Variants in CHSY3 observed in about 807,000 individuals in gnomAD.
CHSY3 encodes the protein N-acetylgalactosaminyl-proteoglycan 3-beta-glucuronosyltransferase 3.
In CHSY3, 35 loss-of-function variants were observed where a neutral mutation model predicts 67.2. The ratio of observed to expected loss-of-function variants is 0.52; its 90% CI spans 0.40 to 0.69. The LOEUF is 0.69. Ranked by LOEUF, CHSY3 falls within the 30% of genes least tolerant of loss-of-function variation. The pLI is 0.00. For missense variants in CHSY3, 1,069 were observed against 1,138.5 expected (o/e 0.94, Z 0.88); for synonymous variants, 474 against 434.7 (o/e 1.09, Z -1.12).
intron 2 of CHSY3, among the ~76,000 whole-genome samples, chr5:130,136,393 AG>A (rs1340023796): frequency 6.6e-6 from 1 of 152,184 alleles, no homozygotes; most frequent in Non-Finnish European, 1.5e-5. Context: ...ACAGTCATGA[AG>A]GCTGATACTG....
At chr5:130,118,445 T>TAC (rs1038901899) in intron 2 of CHSY3, among the ~76,000 whole-genome samples, 44 of 151,124 alleles carry the variant, frequency 2.9e-4, no homozygotes, top group East Asian at 1.9e-3. Context: ...TGTCTATATA[T>TAC]ACACACACAC....
intron 2 of CHSY3, among the ~76,000 whole-genome samples, chr5:129,921,295 C>T (rs1200439542): frequency 5.9e-5 from 9 of 152,080 alleles, no homozygotes; most frequent in Non-Finnish European, 1.3e-4. Context: ...CATTATGATA[C>T]CTTGAGCACA....
At chr5:130,095,770 AC>A (rs1400892734) in intron 2 of CHSY3, among the ~76,000 whole-genome samples, 1 of 152,224 alleles carries the variant, frequency 6.6e-6, no homozygotes, top group East Asian at 1.9e-4. Context: ...TCTCTTTCAA[AC>A]TATTTAATAA....
At chr5:130,123,636 C>A (rs1264539480) in intron 2 of CHSY3, among the ~76,000 whole-genome samples, 1 of 152,174 alleles carries the variant, frequency 6.6e-6, no homozygotes, top group Non-Finnish European at 1.5e-5. Context: ...TGTGTTAGAC[C>A]ACATCAGCTT....
chr5:130,112,612 G>A (rs1034324624), intron 2 of CHSY3, among the ~76,000 whole-genome samples: 1 of 152,100 alleles, frequency 6.6e-6, no homozygotes, highest in African/African-American at 2.4e-5. Flanking sequence ...AACAATATAA[G>A]TGTAAAAGTC....
intron 2 of CHSY3, among the ~76,000 whole-genome samples, chr5:130,142,570 TTTA>T (rs1441744170): frequency 1.3e-5 from 2 of 152,238 alleles, no homozygotes; most frequent in Non-Finnish European, 1.5e-5. Context: ...GGTTTTCATT[TTTA>T]TTATTGTTGT....
At chr5:129,910,179 G>A (rs1185373632) in intron 2 of CHSY3, among the ~76,000 whole-genome samples, 6 of 151,942 alleles carry the variant, frequency 3.9e-5, no homozygotes, top group Non-Finnish European at 2.9e-5. Context: ...TGCAATCTTA[G>A]ATCCTTTTAT....
chr5:130,103,383 C>A (rs934337777), intron 2 of CHSY3, among the ~76,000 whole-genome samples: 1 of 152,004 alleles, frequency 6.6e-6, no homozygotes, highest in African/African-American at 2.4e-5. Flanking sequence ...TGGCATTGTA[C>A]CACATTGAGA....
chr5:129,970,614 G>T (rs912733584), intron 2 of CHSY3, among the ~76,000 whole-genome samples: 3 of 151,850 alleles, frequency 2.0e-5, no homozygotes, highest in African/African-American at 7.2e-5. Flanking sequence ...AAAGAATTTT[G>T]TGGATTGGGT....
At chr5:129,979,348 AT>A (rs1313822296) in intron 2 of CHSY3, among the ~76,000 whole-genome samples, 1 of 152,108 alleles carries the variant, frequency 6.6e-6, no homozygotes, top group African/African-American at 2.4e-5. Context: ...AACTGACAAG[AT>A]TTGTGGCTTT....
upstream of CHSY3, among the ~76,000 whole-genome samples, chr5:129,904,108 C>G (rs1174528277): frequency 6.6e-6 from 1 of 151,894 alleles, no homozygotes; most frequent in Admixed American, 6.5e-5. Flanking sequence ...GCCAGTAGAG[C>G]CCCCAGACAC....
At chr5:130,162,455 T>C (rs1233014582) in intron 2 of CHSY3, among the ~76,000 whole-genome samples, 1 of 152,176 alleles carries the variant, frequency 6.6e-6, no homozygotes, top group African/African-American at 2.4e-5. Context: ...TACAATGACC[T>C]TCCTTATGAA....
intron 2 of CHSY3, among the ~76,000 whole-genome samples, chr5:130,024,621 A>G (rs979371121): frequency 1.3e-5 from 2 of 152,154 alleles, no homozygotes; most frequent in African/African-American, 4.8e-5. Flanking sequence ...TGCTGATTTC[A>G]TATTGACAAT....
intron 2 of CHSY3, among the ~76,000 whole-genome samples, chr5:130,091,109 G>A (rs796818399): frequency 9.2e-6 from 1 of 109,270 alleles, no homozygotes; most frequent in East Asian, 2.5e-4. Flanking sequence ...GAACTTAAAC[G>A]CAACACACAC....
At chr5:129,920,841 C>CTG (rs1189832966) in intron 2 of CHSY3, among the ~76,000 whole-genome samples, 3 of 151,668 alleles carry the variant, frequency 2.0e-5, no homozygotes, top group Non-Finnish European at 4.4e-5. Flanking sequence ...TTATTTAAGA[C>CTG]TGTGTTTCAC....
At chr5:129,965,672 T>G (rs1762450337) in intron 2 of CHSY3, among the ~76,000 whole-genome samples, 1 of 151,956 alleles carries the variant, frequency 6.6e-6, no homozygotes, top group Non-Finnish European at 1.5e-5. Context: ...GGGAGGTTAC[T>G]AATTTCTAAC....
chr5:130,020,824 G>T (rs990195775), intron 2 of CHSY3, among the ~76,000 whole-genome samples: 3 of 152,010 alleles, frequency 2.0e-5, no homozygotes, highest in African/African-American at 7.2e-5. Context: ...TCAGTCTGTC[G>T]AGATGCTTCA....
At chr5:130,157,970 C>T (rs2149726741) in intron 2 of CHSY3, among the ~76,000 whole-genome samples, 1 of 152,316 alleles carries the variant, frequency 6.6e-6, no homozygotes, top group East Asian at 1.9e-4. Context: ...GTTGTCATGG[C>T]ATTTATAAAT....
chr5:130,046,173 T>A (rs1446256941), intron 2 of CHSY3, among the ~76,000 whole-genome samples: 1 of 152,128 alleles, frequency 6.6e-6, no homozygotes, highest in Non-Finnish European at 1.5e-5. Context: ...TAAGTCAAAG[T>A]AATGCTGCTT....
Sources: allele counts gnomAD v4.1 joint callset (sites outside exome capture counted in the v4.1 genomes callset), GRCh38; gene constraint gnomAD v4.1.1; transcripts MANE v1.5; gene names NCBI Gene and HGNC (gene_info 2026-07-23, HGNC 2026-07-21).